The following TMEM117 variants were observed in gnomAD, a reference collection of about 807,000 sequenced individuals.
The protein encoded by TMEM117 is transmembrane protein 117.
In TMEM117, 27 loss-of-function variants were observed where a neutral mutation model predicts 52.4. That is an observed-to-expected ratio of 0.51 (90% CI 0.38 to 0.71). The LOEUF (loss-of-function observed/expected upper bound fraction) is 0.71, where lower values mean the gene tolerates loss of function less well. Ranked by LOEUF, TMEM117 falls within the 30% of genes least tolerant of loss-of-function variation. The pLI is 0.00. For missense variants in TMEM117, 556 were observed against 630.5 expected (o/e 0.88, Z 1.26); for synonymous variants, 215 against 206.3 (o/e 1.04, Z -0.36).
chr12:44,386,046 G>A lies in TMEM117; in HGVS notation c.899-1980G>A, dbSNP rs117457086. 1.2e-3 allele frequency among the ~76,000 whole-genome samples: 180 copies of A among 152,088 alleles called. 1 individual carries two copies. The South Asian group carries it at 0.013, about 11-fold the overall frequency. On this transcript the variant is annotated intron_variant, in intron 7 of 7. Coordinates refer to ENST00000266534, the MANE Select transcript of TMEM117 (RefSeq NM_032256.3). The stretch of plus-strand genomic sequence containing the variant: ...CTTCAAGGACCACATGAATTGTTCC[G>A]TCCTCAAAATCTTTCCTGCAGAAAG...
intron 3 of TMEM117, among the ~76,000 whole-genome samples, chr12:44,105,192 A>G (rs548506554): frequency 2.0e-5 from 3 of 151,270 alleles, no homozygotes; most frequent in Admixed American, 6.6e-5. Context: ...GATTTTCAAT[A>G]TGGTAAGTTT....
chr12:43,961,249 T>C (rs1234829215), intron 3 of TMEM117, among the ~76,000 whole-genome samples: 1 of 145,422 alleles, frequency 6.9e-6, no homozygotes, highest in Non-Finnish European at 1.5e-5. Flanking sequence ...GTACTTTAGC[T>C]CTCAATAAAT....
At chr12:44,246,723 T>C (rs1246108688) in intron 5 of TMEM117, among the ~76,000 whole-genome samples, 1 of 152,192 alleles carries the variant, frequency 6.6e-6, no homozygotes, top group Non-Finnish European at 1.5e-5. Context: ...GCAAGCTTAC[T>C]AATGGAATGG....
At chr12:44,210,196 T>C (rs190520455) in intron 4 of TMEM117, among the ~76,000 whole-genome samples, 1 of 152,098 alleles carries the variant, frequency 6.6e-6, no homozygotes, top group African/African-American at 2.4e-5. Flanking sequence ...AAATCATAAG[T>C]AATGGAATGG....
intron 3 of TMEM117, among the ~76,000 whole-genome samples, chr12:43,987,667 T>A (rs1316626768): frequency 6.6e-6 from 1 of 152,114 alleles, no homozygotes; most frequent in African/African-American, 2.4e-5. Flanking sequence ...TACTAATGAG[T>A]TAGAACTTTT....
chr12:44,090,422 A>T (rs1269893646), intron 3 of TMEM117, among the ~76,000 whole-genome samples: 2 of 146,202 alleles, frequency 1.4e-5, no homozygotes, highest in African/African-American at 2.5e-5. Context: ...TTATTTATTT[A>T]TTTATTTATT....
chr12:44,159,034 A>G (rs1005116883), intron 4 of TMEM117, among the ~76,000 whole-genome samples: 1 of 152,150 alleles, frequency 6.6e-6, no homozygotes, highest in East Asian at 1.9e-4. Context: ...TAGTGCTGGG[A>G]GGAAGAAATC....
chr12:43,970,348 G>A (rs956780406), intron 3 of TMEM117, among the ~76,000 whole-genome samples: 1 of 151,840 alleles, frequency 6.6e-6, no homozygotes, highest in South Asian at 2.1e-4. Context: ...GAGTGCAGTG[G>A]CTCCATCTCG....
chr12:43,828,958 G>A, the TMEM117 span, among the ~76,000 whole-genome samples: 3 of 151,916 alleles, frequency 2.0e-5, no homozygotes, highest in Non-Finnish European at 2.9e-5. Flanking sequence ...TTTTATTTTT[G>A]TTTTTTAAAG....
chr12:43,852,624 A>G (rs1329688455), intron 2 of TMEM117, among the ~76,000 whole-genome samples: 1 of 152,128 alleles, frequency 6.6e-6, no homozygotes, highest in Non-Finnish European at 1.5e-5. Context: ...ACAATTAATC[A>G]TGAAAGCAAG....
intron 2 of TMEM117, among the ~76,000 whole-genome samples, chr12:43,851,069 A>G (rs548550145): frequency 1.3e-5 from 2 of 152,336 alleles, no homozygotes; most frequent in East Asian, 3.9e-4. Context: ...ATTATATAGA[A>G]TGCCACTATC....
At chr12:44,200,034 G>T (rs7306362) in intron 4 of TMEM117, among the ~76,000 whole-genome samples, 30,510 of 152,028 alleles carry the variant, frequency 0.2, 5,248 homozygotes, top group African/African-American at 0.47. Flanking sequence ...AGGAGAATCG[G>T]CTTGAACCCT....
intron 3 of TMEM117, among the ~76,000 whole-genome samples, chr12:44,130,617 A>G (rs1948398810): frequency 6.6e-6 from 1 of 152,156 alleles, no homozygotes; most frequent in Non-Finnish European, 1.5e-5. Context: ...TCTCCATTGT[A>G]GGACTGTACT....
intron 2 of TMEM117, among the ~76,000 whole-genome samples, chr12:43,849,160 A>G (rs1943262696): frequency 6.6e-6 from 1 of 152,190 alleles, no homozygotes; most frequent in Non-Finnish European, 1.5e-5. Context: ...CATAGTAATT[A>G]TATGGATAGA....
chr12:44,234,844 G>A lies in TMEM117; in HGVS notation c.608+23457G>A, dbSNP rs377746029. On this transcript the variant is annotated intron_variant, in intron 5 of 7. Coordinates refer to ENST00000266534, the MANE Select transcript of TMEM117 (RefSeq NM_032256.3). ...ATTTCAACATTTTGAAATTTGTCAA[G>A]ACATACTTTATATCTCTTTATATAT... Among the ~76,000 whole-genome samples, 13 of 151,336 alleles carry A rather than the reference G, an allele frequency of 8.6e-5. 1 individual carries two copies. The highest frequency in any genetic ancestry group is 7.2e-4 in the Admixed American group (11 of 15,176).
At chr12:43,936,804 C>T (rs1033979508) in intron 2 of TMEM117, among the ~76,000 whole-genome samples, 2 of 152,040 alleles carry the variant, frequency 1.3e-5, no homozygotes, top group African/African-American at 4.8e-5. Context: ...TTTGCCAGAA[C>T]AACTTCAGTG....
intron 2 of TMEM117, among the ~76,000 whole-genome samples, chr12:43,923,170 G>T (rs576019348): frequency 6.6e-6 from 1 of 152,204 alleles, no homozygotes; most frequent in African/African-American, 2.4e-5. Context: ...TGGAGAGTGG[G>T]CCGTTCTTTA....
chr12:44,256,788 C>T (rs1950264832), intron 5 of TMEM117, among the ~76,000 whole-genome samples: 2 of 151,546 alleles, frequency 1.3e-5, no homozygotes, highest in East Asian at 1.9e-4. Context: ...AAATCAATAC[C>T]CTTGAAGCAT....
chr12:43,828,178 T>C, the TMEM117 span, among the ~76,000 whole-genome samples: 1 of 152,248 alleles, frequency 6.6e-6, no homozygotes, highest in Non-Finnish European at 1.5e-5. Context: ...GGATAGGAGA[T>C]ATATGCTAAC....
Sources: allele counts gnomAD v4.1 joint callset (sites outside exome capture counted in the v4.1 genomes callset), GRCh38; gene constraint gnomAD v4.1.1; transcripts MANE v1.5; gene names NCBI Gene and HGNC (gene_info 2026-07-23, HGNC 2026-07-21).